DCDC1: variants seen among roughly 807,000 people sequenced by gnomAD.
DCDC1 encodes doublecortin domain containing 1, also known as doublecortin domain-containing protein 1.
In DCDC1, 200 loss-of-function variants were observed where a neutral mutation model predicts 178.3. The ratio of observed to expected loss-of-function variants is 1.12; its 90% CI spans 1.00 to 1.26. DCDC1 has a LOEUF of 1.26. Among genes scored for constraint, DCDC1 ranks in the 50% most tolerant of loss-of-function variants. The pLI is 0.00. For missense variants in DCDC1, 1,983 were observed against 1,749.2 expected, an observed-to-expected ratio of 1.13 and a Z score of -2.38; for synonymous variants, 690 against 604.8, an observed-to-expected ratio of 1.14 and a Z score of -2.07.
At chr11:30,984,327 T>C (rs1950534546) in intron 20 of DCDC1, among the ~76,000 whole-genome samples, 1 of 152,170 alleles carries the variant, frequency 6.6e-6, no homozygotes, top group Non-Finnish European at 1.5e-5. Flanking sequence ...CTCAGCACTA[T>C]ATTTCACACA....
chr11:30,945,744 C>CTA (rs1947993056), intron 21 of DCDC1, among the ~76,000 whole-genome samples: 1 of 131,822 alleles, frequency 7.6e-6, no homozygotes, highest in Non-Finnish European at 1.5e-5. Flanking sequence ...ATCTATCTAT[C>CTA]TATCTGTCTG....
At chr11:31,024,025 G>A (rs1454648300) in intron 20 of DCDC1, among the ~76,000 whole-genome samples, 2 of 151,974 alleles carry the variant, frequency 1.3e-5, no homozygotes, top group East Asian at 1.9e-4. Context: ...TTTGAAAAAT[G>A]AGTAAAGTCC....
chr11:31,352,806 G>A (rs1037528868), intron 1 of DCDC1, among the ~76,000 whole-genome samples: 1 of 152,136 alleles, frequency 6.6e-6, no homozygotes, highest in East Asian at 1.9e-4. Context: ...GGCTACACTC[G>A]TATGTAGCCC....
chr11:30,932,213 C>T lies in DCDC1; in HGVS notation c.2716-261G>A, dbSNP rs1241775145. On this transcript the variant is annotated intron_variant, in intron 21 of 38. Coordinates refer to ENST00000684477, the MANE Select transcript of DCDC1 (RefSeq NM_001387274.1). ...TTCCCTCTCAGAGAAACATCATTCT[C>T]GAAAAAATAGAACCGAATGAACTTG... is the stretch of plus-strand genomic sequence containing the variant. Among the ~76,000 whole-genome samples, 11 of 562 alleles carry T rather than the reference C, an allele frequency of 0.02. No individual in the cohort carries two copies. In the Admixed American group the frequency reaches 0.2, roughly 10 times the overall value. 0.4% of individuals were successfully genotyped at this position (562 alleles called of 152,430 possible). A position where few individuals can be genotyped will look rare whatever the true frequency, so the allele number is the denominator to read the frequency against.
chr11:30,939,807 A>G (rs891159598), intron 21 of DCDC1, among the ~76,000 whole-genome samples: 3 of 152,122 alleles, frequency 2.0e-5, no homozygotes, highest in Admixed American at 6.5e-5. Flanking sequence ...GACCATTTAA[A>G]AGGTTTTTTC....
intron 20 of DCDC1, among the ~76,000 whole-genome samples, chr11:31,005,620 A>AGTAT (rs1951794062): frequency 6.6e-6 from 1 of 152,172 alleles, no homozygotes; most frequent in East Asian, 1.9e-4. Context: ...AAGAACCTAT[A>AGTAT]GTATATCAAG....
chr11:31,089,373 A>C (rs1957664348), intron 17 of DCDC1, among the ~76,000 whole-genome samples: 1 of 152,064 alleles, frequency 6.6e-6, no homozygotes, highest in Non-Finnish European at 1.5e-5. Context: ...TCTCTTTATC[A>C]CTAATTTTAA....
intron 9 of DCDC1, among the ~76,000 whole-genome samples, chr11:31,163,745 C>T (rs551466048): frequency 5.3e-5 from 8 of 152,108 alleles, no homozygotes; most frequent in South Asian, 4.1e-4. Context: ...GGGGATGGTA[C>T]GATTTATAAG....
intron 9 of DCDC1, among the ~76,000 whole-genome samples, chr11:31,160,213 T>G (rs1966175066): frequency 6.6e-6 from 1 of 152,196 alleles, no homozygotes; most frequent in Admixed American, 6.5e-5. Flanking sequence ...TTTTCAGTTA[T>G]GTTGAAATAA....
chr11:31,007,761 T>A (rs1052070761), intron 20 of DCDC1, among the ~76,000 whole-genome samples: 2 of 151,916 alleles, frequency 1.3e-5, no homozygotes, highest in African/African-American at 2.4e-5. Context: ...CCTCCTGGGT[T>A]CAAGTGATTC....
intron 11 of DCDC1, among the ~76,000 whole-genome samples, chr11:31,111,529 C>G (rs1266910730): frequency 6.6e-6 from 1 of 152,108 alleles, no homozygotes; most frequent in Admixed American, 6.6e-5. Context: ...AGCCTTGGTG[C>G]ACTGAGGATT....
At chr11:31,289,439 GT>G (rs757246668) in intron 7 of DCDC1, among the ~76,000 whole-genome samples, 21 of 151,904 alleles carry the variant, frequency 1.4e-4, no homozygotes, top group Non-Finnish European at 2.9e-4. Flanking sequence ...TAAAACTCAG[GT>G]TTCCCAGCTC....
chr11:31,090,338 C>A (rs1411439123), intron 17 of DCDC1, among the ~76,000 whole-genome samples: 1 of 152,108 alleles, frequency 6.6e-6, no homozygotes. Context: ...AGTGTTGTGG[C>A]TAAGTGTCTA....
chr11:31,261,501 A>G (rs1944781495), intron 8 of DCDC1, among the ~76,000 whole-genome samples: 1 of 152,236 alleles, frequency 6.6e-6, no homozygotes, highest in Non-Finnish European at 1.5e-5. Context: ...AATAATAACA[A>G]TACAGAAATA....
intron 11 of DCDC1, among the ~76,000 whole-genome samples, chr11:31,112,699 T>G (rs1469235713): frequency 1.3e-5 from 2 of 152,176 alleles, no homozygotes; most frequent in Non-Finnish European, 2.9e-5. Context: ...TTCTATGCCC[T>G]TAGCAACACA....
At chr11:30,913,064 C>T (rs1246545946) in intron 27 of DCDC1, among the ~76,000 whole-genome samples, 1 of 152,170 alleles carries the variant, frequency 6.6e-6, no homozygotes, top group Non-Finnish European at 1.5e-5. Context: ...GCTGTACAAA[C>T]ACACTTCTGC....
intron 20 of DCDC1, among the ~76,000 whole-genome samples, chr11:31,011,225 AT>A (rs1313508502): frequency 6.6e-6 from 1 of 152,202 alleles, no homozygotes; most frequent in Non-Finnish European, 1.5e-5. Context: ...TTCCAGATTG[AT>A]TAAAGACCTA....
Position 31,305,761 on chromosome 11 carries a change from G to A in DCDC1, c.608C>T (p.Thr203Ile). 2 of 1,613,438 alleles carry A rather than the reference G, an allele frequency of 1.2e-6. No homozygotes were observed. The highest frequency in any genetic ancestry group is 1.7e-6 in the Non-Finnish European group (2 of 1,179,728). ...GGCCATGTTCAGATTCAGCTTTTCT[G>A]TGCACTCCTCCAGCAGCTAGAAGAA... ...PTITLLLEEC[T>I]EKLNLNMAAR... The change falls in exon 6 of 39, where the codon ACA (threonine) becomes ATA (isoleucine). Residue 203 changes from threonine (T) to isoleucine (I), a missense_variant. Transcript: ENST00000684477.
chr11:31,098,900 T>C (rs1362914813), intron 15 of DCDC1, among the ~76,000 whole-genome samples: 1 of 152,196 alleles, frequency 6.6e-6, no homozygotes, highest in Non-Finnish European at 1.5e-5. Context: ...CAGTACTATT[T>C]TTGTTGAACT....
Sources: gnomAD v4.1 joint callset for allele counts (sites outside exome capture counted in the v4.1 genomes callset) on GRCh38, gnomAD v4.1.1 for gene constraint, MANE v1.5 for transcripts, NCBI Gene and HGNC (gene_info 2026-07-23, HGNC 2026-07-21) for gene names.